The following GALNT13 variants were observed in gnomAD, a reference collection of about 807,000 sequenced individuals.
GALNT13 encodes UDP-GalNAc:polypeptide N-acetylgalactosaminyltransferase 13.
Under a neutral mutation model 64.2 loss-of-function variants are expected in GALNT13, and 28 were observed. The ratio of observed to expected loss-of-function variants is 0.44; its 90% CI spans 0.32 to 0.60. The LOEUF is 0.60. Among genes scored for constraint, GALNT13 ranks in the 20% least tolerant of loss-of-function variants. The pLI is 0.05. For missense variants in GALNT13, 577 were observed against 669.8 expected (o/e 0.86, Z 1.53); for synonymous variants, 214 against 224.6 (o/e 0.95, Z 0.42).
chr2:153,518,024 A>G, the GALNT13 span, among the ~76,000 whole-genome samples: 4 of 152,142 alleles, frequency 2.6e-5, no homozygotes, highest in African/African-American at 9.7e-5. Flanking sequence ...CGTGCCAGAA[A>G]TGAGTATCAT....
the GALNT13 span, among the ~76,000 whole-genome samples, chr2:153,766,802 T>C: frequency 6.6e-6 from 1 of 152,158 alleles, no homozygotes; most frequent in South Asian, 2.1e-4. Context: ...ACATGTATTC[T>C]TGAAGCTAAT....
At chr2:154,360,467 A>AT (rs1256562645) in intron 9 of GALNT13, among the ~76,000 whole-genome samples, 1 of 140,918 alleles carries the variant, frequency 7.1e-6, no homozygotes, top group East Asian at 2.2e-4. Flanking sequence ...GGGGAGAGAA[A>AT]TGTGTCAAAG....
chr2:153,747,610 T>C, the GALNT13 span, among the ~76,000 whole-genome samples: 10 of 151,862 alleles, frequency 6.6e-5, no homozygotes, highest in African/African-American at 2.4e-4. Flanking sequence ...GTATTTTTAG[T>C]AGAGACAGGG....
At chr2:154,032,560 A>G (rs1259779461) in intron 3 of GALNT13, among the ~76,000 whole-genome samples, 3 of 151,978 alleles carry the variant, frequency 2.0e-5, no homozygotes, top group Non-Finnish European at 4.4e-5. Context: ...AAAGGATATT[A>G]TATTATGAGA....
intron 3 of GALNT13, among the ~76,000 whole-genome samples, chr2:153,992,745 T>TA (rs898428438): frequency 1.3e-5 from 2 of 151,944 alleles, no homozygotes; most frequent in Admixed American, 6.6e-5. Flanking sequence ...TGATACTTTT[T>TA]AAAAAAAAAT....
At chr2:153,424,279 G>GA in the GALNT13 span, among the ~76,000 whole-genome samples, 1 of 151,050 alleles carries the variant, frequency 6.6e-6, no homozygotes, top group Non-Finnish European at 1.5e-5. Context: ...ATGTTTAGGA[G>GA]AAAAAAAGAT....
At chr2:153,381,294 A>T in the GALNT13 span, among the ~76,000 whole-genome samples, 3 of 152,098 alleles carry the variant, frequency 2.0e-5, no homozygotes, top group African/African-American at 7.2e-5. Context: ...GATAGTTGAA[A>T]GGAACAAAGC....
At chr2:153,823,176 T>C in the GALNT13 span, among the ~76,000 whole-genome samples, 11 of 152,060 alleles carry the variant, frequency 7.2e-5, no homozygotes, top group African/African-American at 2.7e-4. Context: ...GAAAAATCAG[T>C]GTCTTTAAAA....
At chr2:153,825,608 C>CTGTGTGTGTGTGTG in the GALNT13 span, among the ~76,000 whole-genome samples, 84 of 134,862 alleles carry the variant, frequency 6.2e-4, 1 homozygote, top group African/African-American at 2.2e-3. Context: ...TCCATGAGTG[C>CTGTGTGTGTGTGTG]TGTGTGTGTG....
the GALNT13 span, among the ~76,000 whole-genome samples, chr2:153,115,246 T>C: frequency 6.6e-6 from 1 of 152,180 alleles, no homozygotes; most frequent in East Asian, 1.9e-4. Flanking sequence ...ATATTCCAAA[T>C]GAACTTGGAA....
At chr2:153,562,036 C>CTT in the GALNT13 span, among the ~76,000 whole-genome samples, 2,482 of 120,746 alleles carry the variant, frequency 0.021, 44 homozygotes, top group African/African-American at 0.044. Context: ...TCTCCTCTCT[C>CTT]TCTCTTTCTC....
the GALNT13 span, among the ~76,000 whole-genome samples, chr2:153,133,035 A>ATTTTTTTTTTTTTT: frequency 1.5e-5 from 2 of 129,396 alleles, no homozygotes; most frequent in African/African-American, 2.9e-5. Context: ...AACTGTGTTA[A>ATTTTTTTTTTTTTT]TTTTTTTTTT....
At chr2:153,907,309 G>T (rs1212333373) in intron 2 of GALNT13, among the ~76,000 whole-genome samples, 1 of 151,284 alleles carries the variant, frequency 6.6e-6, no homozygotes, top group Non-Finnish European at 1.5e-5. Context: ...TTAATATTAA[G>T]ATTATATATA....
At chr2:153,815,781 G>A in the GALNT13 span, among the ~76,000 whole-genome samples, 1 of 152,074 alleles carries the variant, frequency 6.6e-6, no homozygotes, top group Admixed American at 6.5e-5. Flanking sequence ...TCTCTTACAG[G>A]TCTCAATTTC....
the GALNT13 span, among the ~76,000 whole-genome samples, chr2:153,315,966 G>T: frequency 2.0e-5 from 3 of 148,466 alleles, no homozygotes; most frequent in South Asian, 6.4e-4. Context: ...TAAGAAAAAA[G>T]AATCCAATTT....
the GALNT13 span, among the ~76,000 whole-genome samples, chr2:153,534,658 TAC>T: frequency 4.6e-5 from 7 of 151,348 alleles, no homozygotes; most frequent in African/African-American, 1.7e-4. Flanking sequence ...AAAGGAAAAT[TAC>T]AGTCAAAGGG....
chr2:153,449,464 C>T, the GALNT13 span, among the ~76,000 whole-genome samples: 1 of 152,174 alleles, frequency 6.6e-6, no homozygotes, highest in Admixed American at 6.5e-5. Context: ...CTCTGGCTCC[C>T]ACACAGTGGA....
chr2:154,014,507 G>T (rs1696862456), intron 3 of GALNT13, among the ~76,000 whole-genome samples: 1 of 151,076 alleles, frequency 6.6e-6, no homozygotes, highest in Non-Finnish European at 1.5e-5. Flanking sequence ...CCCTCTGAAG[G>T]TCTGCTTGAA....
chr2:154,118,451 A>AT (rs975030385), intron 3 of GALNT13, among the ~76,000 whole-genome samples: 3 of 151,238 alleles, frequency 2.0e-5, no homozygotes, highest in Admixed American at 1.3e-4. Context: ...ACAGGTAGGT[A>AT]TTTTTTTTAA....
Sources: gnomAD v4.1 joint callset for allele counts (sites outside exome capture counted in the v4.1 genomes callset) on GRCh38, gnomAD v4.1.1 for gene constraint, MANE v1.5 for transcripts, NCBI Gene and HGNC (gene_info 2026-07-23, HGNC 2026-07-21) for gene names.